PALS2: variants seen among roughly 807,000 people sequenced by gnomAD.
PALS2 encodes protein associated with LIN7 2, MAGUK p55 family member.
Under a neutral mutation model 61.6 loss-of-function variants are expected in PALS2, and 27 were observed. That is an observed-to-expected ratio of 0.44 (90% CI 0.32 to 0.60). The LOEUF is 0.60. Ranked by LOEUF, PALS2 falls within the 20% of genes least tolerant of loss-of-function variation. The pLI, the probability that PALS2 is intolerant of heterozygous loss-of-function variation, is 0.05. For synonymous variants in PALS2, 236 were observed against 218.6 expected, an observed-to-expected ratio of 1.08 and a Z score of -0.70; for missense variants, 554 against 639.4, an observed-to-expected ratio of 0.87 and a Z score of 1.44.
chr7:24,626,560 C>G (rs1035055875), intron 2 of PALS2, among the ~76,000 whole-genome samples: 1 of 151,988 alleles, frequency 6.6e-6, no homozygotes, highest in Non-Finnish European at 1.5e-5. Context: ...GCTAAATGCC[C>G]CAATTAAAAG....
At chr7:24,587,034 T>TTTTTTG (rs1554298593) in intron 1 of PALS2, among the ~76,000 whole-genome samples, 13 of 151,312 alleles carry the variant, frequency 8.6e-5, no homozygotes, top group African/African-American at 2.9e-4. Flanking sequence ...TAAAGGATTT[T>TTTTTTG]TTTTTTGTTT....
intron 3 of PALS2, among the ~76,000 whole-genome samples, chr7:24,643,058 T>C (rs1030984699): frequency 3.9e-5 from 6 of 152,084 alleles, no homozygotes; most frequent in Admixed American, 3.9e-4. Context: ...CAACAGGATA[T>C]AGTGATTGGT....
rs1253199837 is a variant in PALS2 at position 24,659,362 on chromosome 7, C to G, written c.652-4228C>G. ...TGATATATATTCCTTTGGGTATGTA[C>G]CCAGTAATGGGATTGCTGGGTCAAA... is the stretch of plus-strand genomic sequence containing the variant. On this transcript the variant is annotated intron_variant, in intron 5 of 11. Coordinates refer to ENST00000222644, the MANE Select transcript of PALS2 (RefSeq NM_001303037.2). Among the ~76,000 whole-genome samples the G allele has an allele frequency of 2.6e-5, 4 of 152,206 alleles. No homozygotes were observed. In the East Asian group the frequency reaches 7.7e-4, roughly 29 times the overall value.
chr7:24,684,460 T>C (rs188219754), intron 11 of PALS2, among the ~76,000 whole-genome samples: 22 of 152,342 alleles, frequency 1.4e-4, no homozygotes, highest in Non-Finnish European at 2.6e-4. Context: ...ATTCTAGTAA[T>C]GTCTGATAAT....
At chr7:24,637,971 AAAC>A (rs1479483484) in intron 2 of PALS2, among the ~76,000 whole-genome samples, 3 of 152,176 alleles carry the variant, frequency 2.0e-5, no homozygotes, top group South Asian at 2.1e-4. Flanking sequence ...TAAAAAAAGA[AAAC>A]AAGATTTATT....
intron 2 of PALS2, among the ~76,000 whole-genome samples, chr7:24,628,581 A>G (rs1206963223): frequency 1.3e-5 from 2 of 152,158 alleles, no homozygotes; most frequent in Admixed American, 6.5e-5. Flanking sequence ...TGCAGATGAC[A>G]TATTTAGAAA....
chr7:24,574,922 G>A (rs1437175935), intron 1 of PALS2, among the ~76,000 whole-genome samples: 1 of 152,146 alleles, frequency 6.6e-6, no homozygotes, highest in African/African-American at 2.4e-5. Context: ...CATCTACTGT[G>A]CAATGATAGG....
chr7:24,601,663 G>A (rs578187560), intron 1 of PALS2, among the ~76,000 whole-genome samples: 1 of 152,016 alleles, frequency 6.6e-6, no homozygotes, highest in South Asian at 2.1e-4. Context: ...AAAAGTGTTT[G>A]TGGTAGGTTA....
rs140692111 is a variant in PALS2, at chr7:24,689,754, T to C, written c.*2140T>C. The C allele has an allele frequency of 7.6e-4, 115 of 152,250 alleles. No homozygotes were observed. Among genetic ancestry groups the C allele is most frequent in the African/African-American group, 2.6e-3 (110 of 41,526 alleles). 9.4% of individuals were successfully genotyped at this position (152,250 alleles called of 1,614,324 possible). ...AAATTCTTGGCTTCTCAAAGCAACATGAATTAAAGCACAGTATCAAGGTGA... is the reference window on the plus strand; with the variant it reads ...AAATTCTTGGCTTCTCAAAGCAACACGAATTAAAGCACAGTATCAAGGTGA... On this transcript the variant is annotated 3_prime_UTR_variant, in exon 12 of 12. Transcript: ENST00000222644.
intron 2 of PALS2, among the ~76,000 whole-genome samples, chr7:24,624,594 T>C (rs1244078784): frequency 7.3e-6 from 1 of 137,784 alleles, no homozygotes; most frequent in African/African-American, 3.0e-5. Flanking sequence ...GAATTAATGA[T>C]GCAGATTCTT....
chr7:24,665,192 G>C lies in PALS2; in HGVS notation c.784-396G>C, dbSNP rs564531210. Among the ~76,000 whole-genome samples the C allele has an allele frequency of 1.8e-4, 28 of 152,184 alleles. 1 individual carries two copies. The South Asian group carries it at 5.6e-3, about 31-fold the overall frequency. On this transcript the variant is annotated intron_variant, in intron 6 of 11. Coordinates refer to ENST00000222644, the MANE Select transcript of PALS2 (RefSeq NM_001303037.2). ...TCCACATAGTATCTCCTTTTCATTT[G>C]GTTTGGCCTGAAATACCAACATAGT... is the stretch of plus-strand genomic sequence containing the variant.
rs79135338 is a variant in PALS2 at position 24,648,148 on chromosome 7, C to T, written c.271-1464C>T. Among the ~76,000 whole-genome samples the T allele has an allele frequency of 6.6e-3, 1,008 of 152,202 alleles. 9 individuals carry two copies. Among genetic ancestry groups the T allele is most frequent in the East Asian group, 0.025 (128 of 5,180 alleles). On this transcript the variant is annotated intron_variant, in intron 3 of 11. Transcript: ENST00000222644. ...AAATGACCAGAAATTACCAATTATC[C>T]TGATTGCTTTTTTCCCGAACCTGTT...
chr7:24,647,368 T>C (rs2128075865), intron 3 of PALS2, among the ~76,000 whole-genome samples: 2 of 152,170 alleles, frequency 1.3e-5, no homozygotes, highest in South Asian at 4.2e-4. Flanking sequence ...AGGCTGGTCT[T>C]GAACTCCTGA....
At chr7:24,641,007 C>CAAAAAAA (rs35912373) in intron 2 of PALS2, among the ~76,000 whole-genome samples, 12 of 67,060 alleles carry the variant, frequency 1.8e-4, no homozygotes, top group Admixed American at 8.3e-4. Context: ...GACTCCATCT[C>CAAAAAAA]AAAAAAAAAA....
chr7:24,614,806 C>G (rs1263134889), intron 1 of PALS2, among the ~76,000 whole-genome samples: 1 of 151,838 alleles, frequency 6.6e-6, no homozygotes, highest in Non-Finnish European at 1.5e-5. Context: ...GCACATGAAA[C>G]ATTTTCTAGG....
In PALS2 at chr7:24,687,056, G is replaced by A. The variant is rs1430522178; in HGVS notation, c.1447-382G>A. Among the ~76,000 whole-genome samples, 2 of 152,158 alleles carry A rather than the reference G, an allele frequency of 1.3e-5. No individual in the cohort carries two copies. Among genetic ancestry groups the A allele is most frequent in the African/African-American group, 2.4e-5 (1 of 41,432 alleles). ...GCCACTGCAAATTGGGTACCATGTT[G>A]TACATGGGCCATGAGATAAAAATCT... is the stretch of plus-strand genomic sequence containing the variant. On this transcript the variant is annotated intron_variant, in intron 11 of 11. Transcript: ENST00000222644. This position sits in a 1 kb window ranked among gnomAD's most constrained non-coding sequence, Gnocchi z 4.5.
At chr7:24,637,380 TTC>T (rs772747917) in intron 2 of PALS2, among the ~76,000 whole-genome samples, 2 of 151,172 alleles carry the variant, frequency 1.3e-5, no homozygotes, top group Non-Finnish European at 3.0e-5. Flanking sequence ...GAGTTCTCCA[TTC>T]TCTCTGTCTC....
chr7:24,582,378 G>T (rs186246388), intron 1 of PALS2, among the ~76,000 whole-genome samples: 48 of 152,014 alleles, frequency 3.2e-4, no homozygotes, highest in Non-Finnish European at 5.4e-4. Flanking sequence ...TGGTGATATG[G>T]TGAGGGCTAA....
Position 24,623,652 on chromosome 7 carries a change from T to C in PALS2, c.-2-14T>C. ...GTTTGTTTGTTTGTTTTTATGTTGC[T>C]TTTATCTCAGCAGCAATGCAGCAAG... is the stretch of plus-strand genomic sequence containing the variant. On this transcript the variant is annotated splice_polypyrimidine_tract_variant and intron_variant, in intron 1 of 11. Transcript: ENST00000222644. 6.7e-7 allele frequency: 1 copy of C among 1,484,320 alleles called. No individual in the cohort carries two copies. The highest frequency in any genetic ancestry group is 9.2e-7 in the Non-Finnish European group (1 of 1,086,914). The allele number at this position is 1,484,320 out of a possible 1,614,324, so 91.9% of individuals were successfully genotyped here.
Sources: allele counts gnomAD v4.1 joint callset (sites outside exome capture counted in the v4.1 genomes callset), GRCh38; gene constraint gnomAD v4.1.1; non-coding constraint Gnocchi (gnomAD v3.1); transcripts MANE v1.5; gene names NCBI Gene and HGNC (gene_info 2026-07-23, HGNC 2026-07-21).